Variants in CAPRIN1 observed in about 807,000 individuals in gnomAD.
CAPRIN1 encodes the protein cell cycle associated protein 1, also known as caprin-1.
A neutral mutation model predicts 100.9 loss-of-function variants in CAPRIN1; 29 were observed. The ratio of observed to expected loss-of-function variants is 0.29; its 90% CI spans 0.21 to 0.39. CAPRIN1 has a LOEUF of 0.39. Ranked by LOEUF, CAPRIN1 falls within the 10% of genes least tolerant of loss-of-function variation. The pLI is 1.00. For missense variants in CAPRIN1, 795 were observed against 876.7 expected (o/e 0.91, Z 1.18); for synonymous variants, 338 against 307.5 (o/e 1.10, Z -1.04).
intron 7 of CAPRIN1, among the ~76,000 whole-genome samples, chr11:34,082,559 C>CT (rs1361587084): frequency 1.3e-5 from 2 of 152,178 alleles, no homozygotes; most frequent in African/African-American, 4.8e-5. Flanking sequence ...TTCCCATTTA[C>CT]TTTCTACCCT....
At chr11:34,096,724 T>G (rs755057816) in intron 16 of CAPRIN1, 51 bp downstream of exon 16, 9 of 1,405,918 alleles carry the variant, frequency 6.4e-6, no homozygotes, top group Non-Finnish European at 7.8e-6. Context: ...GTTCAAATTA[T>G]TTTTTGATTT....
At chr11:34,084,750 G>C (rs978147425) in intron 9 of CAPRIN1, among the ~76,000 whole-genome samples, 5 of 152,156 alleles carry the variant, frequency 3.3e-5, no homozygotes, top group Non-Finnish European at 7.3e-5. Flanking sequence ...AGGTAATAGG[G>C]ATGTATAGCA....
At chr11:34,097,149 C>T (rs748390958) in intron 16 of CAPRIN1, 47 bp from the exon 17 acceptor site, 1 of 1,346,318 alleles carries the variant, frequency 7.4e-7, no homozygotes, top group South Asian at 1.2e-5. Context: ...AGTAAAAATT[C>T]CTTGTGAAGA....
intron 14 of CAPRIN1, chr11:34,091,692 A>G (rs765740842): frequency 6.6e-5 from 28 of 424,170 alleles, no homozygotes; most frequent in Non-Finnish European, 1.0e-4. Context: ...ATTTCACAGC[A>G]TATTATACTC....
At chr11:34,066,751 G>A (rs1435454382) in intron 2 of CAPRIN1, among the ~76,000 whole-genome samples, 1 of 151,654 alleles carries the variant, frequency 6.6e-6, no homozygotes, top group Non-Finnish European at 1.5e-5. Context: ...TCAGCCTCCC[G>A]AGTAGCTGGG....
rs557584886 is a variant in CAPRIN1, at chr11:34,100,303, C to A, written c.*936C>A. ...CTCTAGTGGATAATCATAACACTCTCGGTCACATGTTTTTCCTTCAGCTTG... is the reference window on the plus strand; with the variant it reads ...CTCTAGTGGATAATCATAACACTCTAGGTCACATGTTTTTCCTTCAGCTTG... On this transcript the variant is annotated 3_prime_UTR_variant, in exon 19 of 19. Transcript: ENST00000341394. The A allele has an allele frequency of 6.6e-6, 1 of 152,096 alleles. No individual in the cohort carries two copies. The highest frequency in any genetic ancestry group is 1.5e-5 in the Non-Finnish European group (1 of 68,002). 9.4% of individuals were successfully genotyped at this position (152,096 alleles called of 1,614,324 possible).
chr11:34,068,148 A>G (rs941710631), intron 2 of CAPRIN1, among the ~76,000 whole-genome samples: 8 of 152,208 alleles, frequency 5.3e-5, no homozygotes, highest in African/African-American at 1.7e-4. Flanking sequence ...GTGGAACCAC[A>G]GGGATTGCTG....
intron 17 of CAPRIN1, 138 bp downstream of exon 17, chr11:34,097,434 C>T: frequency 1.3e-6 from 1 of 766,200 alleles, no homozygotes; most frequent in Non-Finnish European, 2.1e-6. Context: ...GAAACAAAAG[C>T]TTTTAGCACT....
chr11:34,070,857 C>T (rs546448469), intron 2 of CAPRIN1, among the ~76,000 whole-genome samples: 2 of 152,094 alleles, frequency 1.3e-5, no homozygotes, highest in African/African-American at 4.8e-5. Context: ...CATGCACCAC[C>T]ATGCCCAGCT....
rs751169345 is a variant in CAPRIN1, at chr11:34,083,043, TAA to T, written c.966+3_966+4del. 2.5e-6 allele frequency: 4 copies of T among 1,606,612 alleles called. No individual in the cohort carries two copies. The highest frequency in any genetic ancestry group is 3.4e-6 in the Non-Finnish European group (4 of 1,173,272). The stretch of plus-strand genomic sequence containing the variant: ...GAGTGGACAGTTGAAACGGTTGAGG[TAA>T]GAGTTCTCTGTATTGCAAAGTTGTT... On this transcript the variant is annotated splice_donor_region_variant and intron_variant, in intron 9 of 18. Transcript: ENST00000341394.
rs569470350 is a variant in CAPRIN1, at chr11:34,096,326, T to C, written c.1706-153T>C. 1.4e-5 allele frequency: 8 copies of C among 571,706 alleles called. No homozygotes were observed. The Middle Eastern group carries it at 1.4e-3, about 99-fold the overall frequency. The allele number at this position is 571,706 out of a possible 1,614,324, so 35.4% of individuals were successfully genotyped here. ...AGGGTAGGAGAAAGGTAAGAGACTTTATTCATGTGTAGTTTTTCTTATCAT... is the reference window on the plus strand; with the variant it reads ...AGGGTAGGAGAAAGGTAAGAGACTTCATTCATGTGTAGTTTTTCTTATCAT... On this transcript the variant is annotated intron_variant, in intron 15 of 18. Transcript: ENST00000341394.
rs778563052 is a variant in CAPRIN1 at position 34,076,463 on chromosome 11, C to T, written c.594C>T (p.Asp198=). Residue 198 remains aspartate (D), a synonymous_variant, in exon 5 of 19, where the codon GAC becomes GAT. Transcript: ENST00000341394. ...EFYKLVDPER[D]MSLRLNEQYE... ...ATAAGCTAGTAGACCCTGAACGGGA[C>T]ATGAGCTTGAGGTATTAGTGGTATT... is the stretch of plus-strand genomic sequence containing the variant. 1 of 1,613,224 alleles carries T rather than the reference C, an allele frequency of 6.2e-7. No homozygotes were observed. The highest frequency in any genetic ancestry group is 8.5e-7 in the Non-Finnish European group (1 of 1,179,162).
intron 2 of CAPRIN1, among the ~76,000 whole-genome samples, chr11:34,064,597 A>C (rs1208899382): frequency 6.6e-6 from 1 of 152,244 alleles, no homozygotes; most frequent in South Asian, 2.1e-4. Context: ...CATTTTGAAA[A>C]GTAAAAAATT....
At chr11:34,064,006 G>T (rs1850634533) in intron 2 of CAPRIN1, among the ~76,000 whole-genome samples, 1 of 152,160 alleles carries the variant, frequency 6.6e-6, no homozygotes, top group Non-Finnish European at 1.5e-5. Context: ...GACCTCAGGT[G>T]ATCCACCTGT....
At chr11:34,094,332 A>G (rs1043302159) in intron 15 of CAPRIN1, among the ~76,000 whole-genome samples, 14 of 152,114 alleles carry the variant, frequency 9.2e-5, no homozygotes, top group African/African-American at 2.7e-4. Context: ...CTGGGATTAC[A>G]GGCGTGAGCC....
intron 9 of CAPRIN1, among the ~76,000 whole-genome samples, chr11:34,084,981 A>G (rs750312309): frequency 6.6e-6 from 1 of 151,952 alleles, no homozygotes; most frequent in Non-Finnish European, 1.5e-5. Context: ...GGCTATCCAC[A>G]TGAGATTCCA....
At chr11:34,054,293 G>T (rs1850402197) in intron 2 of CAPRIN1, among the ~76,000 whole-genome samples, 1 of 152,078 alleles carries the variant, frequency 6.6e-6, no homozygotes, top group African/African-American at 2.4e-5. Flanking sequence ...AGTAAATGTA[G>T]TTACATCAAG....
intron 6 of CAPRIN1, among the ~76,000 whole-genome samples, chr11:34,077,541 C>T (rs1351141440): frequency 6.6e-6 from 1 of 152,088 alleles, no homozygotes; most frequent in African/African-American, 2.4e-5. Context: ...ACGTTTCACT[C>T]CTTCAGTATA....
In CAPRIN1 at chr11:34,074,060, C is replaced by G. The variant is rs968989425; in HGVS notation, c.366+2073C>G. Among the ~76,000 whole-genome samples the G allele has an allele frequency of 6.2e-4, 95 of 152,092 alleles. 1 individual carries two copies. The highest frequency in any genetic ancestry group is 2.2e-3 in the Admixed American group (33 of 15,258). ...TTCATTCTAAATAGCTCCCAAAAGG[C>G]CCACCCTCCCAACACTATTGCGTTG... On this transcript the variant is annotated intron_variant, in intron 4 of 18. Transcript: ENST00000341394.
Sources: gnomAD v4.1 joint callset for allele counts (sites outside exome capture counted in the v4.1 genomes callset) on GRCh38, gnomAD v4.1.1 for gene constraint, MANE v1.5 for transcripts, NCBI Gene and HGNC (gene_info 2026-07-23, HGNC 2026-07-21) for gene names.